The following ACSS2 variants were observed in gnomAD, a reference collection of about 807,000 sequenced individuals.
ACSS2 encodes the protein acyl-CoA synthetase short chain family member 2.
A neutral mutation model predicts 90.6 loss-of-function variants in ACSS2; 58 were observed. That is an observed-to-expected ratio of 0.64 (90% CI 0.52 to 0.80). ACSS2 has a LOEUF of 0.80. ACSS2 is among the 30% of genes least tolerant of loss of function. The pLI, the probability that ACSS2 is intolerant of heterozygous loss-of-function variation, is 0.00. For synonymous variants in ACSS2, 300 were observed against 330.9 expected (o/e 0.91, Z 1.01); for missense variants, 759 against 912.0 (o/e 0.83, Z 2.16).
chr20:34,877,897 C>CAGATAGATAGATAGAT (rs1440998444), intron 1 of ACSS2, among the ~76,000 whole-genome samples: 1 of 91,132 alleles, frequency 1.1e-5, no homozygotes, highest in Non-Finnish European at 2.2e-5. Flanking sequence ...GGGTAAAGGA[C>CAGATAGATAGATAGAT]AGATAGATAG....
chr20:34,904,355 AGG>A (rs2080746262), intron 2 of ACSS2, among the ~76,000 whole-genome samples: 1 of 152,040 alleles, frequency 6.6e-6, no homozygotes. Context: ...TTCCAAGTAG[AGG>A]GCAAAGGCTC....
rs370544852 is a variant in ACSS2, at chr20:34,919,527, C to T, written c.927C>T (p.Asp309=). ...ECEPEWCDAE[D]PLFILYTSGS... is the part of the protein sequence containing the mutation. ...AGCCCGAGTGGTGTGATGCCGAGGA[C>T]CCACTCTTCATCCTGTACACCAGTG... Residue 309 remains aspartate (D), a synonymous_variant, in exon 8 of 18, where the codon GAC becomes GAT. Coordinates refer to ENST00000360596, the MANE Select transcript of ACSS2 (RefSeq NM_018677.4). The T allele has an allele frequency of 4.7e-5, 75 of 1,611,704 alleles. No individual in the cohort carries two copies. Among genetic ancestry groups the T allele is most frequent in the Non-Finnish European group, 5.8e-5 (69 of 1,179,952 alleles).
intron 3 of ACSS2, 32 bp downstream of exon 3, chr20:34,913,219 G>A (rs757281988): frequency 6.2e-6 from 10 of 1,606,962 alleles, no homozygotes; most frequent in Admixed American, 5.0e-5. Flanking sequence ...AGGACTGGGG[G>A]TCTGGCCTTG....
At chr20:34,907,453 G>GCA (rs1295000205) in intron 2 of ACSS2, among the ~76,000 whole-genome samples, 1 of 152,224 alleles carries the variant, frequency 6.6e-6, no homozygotes, top group African/African-American at 2.4e-5. Flanking sequence ...GGCACACTGT[G>GCA]CACATAGGTG....
At chr20:34,893,587 A>T (rs1271252539) in intron 2 of ACSS2, 9 of 139,694 alleles carry the variant, frequency 6.4e-5, no homozygotes, top group African/African-American at 2.4e-4. Flanking sequence ...TGGTTTTGCC[A>T]TGTTGGCCAG....
At chr20:34,879,723 C>T (rs1464212766) in intron 1 of ACSS2, among the ~76,000 whole-genome samples, 1 of 152,124 alleles carries the variant, frequency 6.6e-6, no homozygotes, top group Non-Finnish European at 1.5e-5. Flanking sequence ...CACAGCGATA[C>T]CCTGTCTCAA....
intron 1 of ACSS2, among the ~76,000 whole-genome samples, chr20:34,879,565 G>A (rs532534044): frequency 6.6e-6 from 1 of 151,202 alleles, no homozygotes; most frequent in South Asian, 2.1e-4. Flanking sequence ...AAAACTAAGT[G>A]TGCATAAAAT....
intron 14 of ACSS2, among the ~76,000 whole-genome samples, chr20:34,924,650 A>C (rs995196769): frequency 6.6e-6 from 1 of 151,886 alleles, no homozygotes; most frequent in African/African-American, 2.4e-5. Flanking sequence ...AGGAGTTTGA[A>C]TTTTATTCAA....
Position 34,920,532 on chromosome 20 carries a change from C to G in ACSS2, c.973-7C>G. ...AGACCCTAACCTGTTCCCCATTCTT[C>G]CCACAGGGTGTGGTTCACACAGTTG... On this transcript the variant is annotated splice_polypyrimidine_tract_variant and splice_region_variant and intron_variant, in intron 8 of 17. Transcript: ENST00000360596. 1 of 1,613,098 alleles carries G rather than the reference C, an allele frequency of 6.2e-7. No homozygotes were observed. The highest frequency in any genetic ancestry group is 8.5e-7 in the Non-Finnish European group (1 of 1,179,824).
Position 34,927,007 on chromosome 20 carries a change from T to C in ACSS2, c.1978+56T>C. ...GGGCTGAGGCCTGGTGGTGGTGGGGTGTGCGTGGATGAAAGCCTTTGGCAG... is the reference window on the plus strand; with the variant it reads ...GGGCTGAGGCCTGGTGGTGGTGGGGCGTGCGTGGATGAAAGCCTTTGGCAG... On this transcript the variant is annotated intron_variant, in intron 17 of 17. Coordinates refer to ENST00000360596, the MANE Select transcript of ACSS2 (RefSeq NM_018677.4). This position sits in a 1 kb window ranked among gnomAD's most constrained non-coding sequence, Gnocchi z 4.2. 6.2e-7 allele frequency: 1 copy of C among 1,613,608 alleles called. No individual in the cohort carries two copies. The highest frequency in any genetic ancestry group is 8.5e-7 in the Non-Finnish European group (1 of 1,179,782).
At chr20:34,879,674 G>A (rs549172510) in intron 1 of ACSS2, among the ~76,000 whole-genome samples, 1 of 152,322 alleles carries the variant, frequency 6.6e-6, no homozygotes, top group East Asian at 1.9e-4. Flanking sequence ...GGAGATTGCA[G>A]TGAGCCAAGA....
upstream of ACSS2, chr20:34,876,516 G>C: frequency 9.2e-7 from 1 of 1,088,208 alleles, no homozygotes; most frequent in Non-Finnish European, 1.2e-6. Context: ...CCACCCGCCA[G>C]ACTAAGCCAC....
intron 1 of ACSS2, among the ~76,000 whole-genome samples, chr20:34,877,243 T>C (rs1043715449): frequency 1.3e-5 from 2 of 152,084 alleles, no homozygotes; most frequent in Non-Finnish European, 2.9e-5. Flanking sequence ...CTTTCTTTGC[T>C]TCCCTTTCAC....
intron 10 of ACSS2, 76 bp from the exon 11 acceptor site, chr20:34,921,254 G>A: frequency 6.2e-7 from 1 of 1,607,412 alleles, no homozygotes; most frequent in Non-Finnish European, 8.5e-7. Context: ...TAGAGGATGG[G>A]GCAAGAGAAA....
At chr20:34,900,334 T>C (rs1177349143) in intron 2 of ACSS2, among the ~76,000 whole-genome samples, 1 of 97,140 alleles carries the variant, frequency 1.0e-5, no homozygotes, top group East Asian at 2.3e-4. Flanking sequence ...CATGCCCGGC[T>C]AAATTTTTTT....
At chr20:34,896,933 G>T (rs942613078) in intron 2 of ACSS2, among the ~76,000 whole-genome samples, 1 of 151,962 alleles carries the variant, frequency 6.6e-6, no homozygotes, top group African/African-American at 2.4e-5. Context: ...GGGAGGCTGA[G>T]ACATAAGAAT....
At chr20:34,893,834 G>A (rs2080397542) in intron 2 of ACSS2, among the ~76,000 whole-genome samples, 2 of 151,836 alleles carry the variant, frequency 1.3e-5, no homozygotes, top group South Asian at 4.2e-4. Flanking sequence ...GTCTACTTAT[G>A]GTTTTACTAT....
chr20:34,905,473 C>T (rs6120759), intron 2 of ACSS2, among the ~76,000 whole-genome samples: 3,238 of 152,084 alleles, frequency 0.021, 137 homozygotes, highest in African/African-American at 0.074. Flanking sequence ...GGGGTTTCAC[C>T]GTCCTCTCGA....
intron 2 of ACSS2, among the ~76,000 whole-genome samples, chr20:34,911,613 C>T (rs932594756): frequency 6.6e-6 from 1 of 152,076 alleles, no homozygotes; most frequent in Non-Finnish European, 1.5e-5. Context: ...TGTGAGCCAC[C>T]GTGCCTGACC....
Sources: allele counts gnomAD v4.1 joint callset (sites outside exome capture counted in the v4.1 genomes callset), GRCh38; gene constraint gnomAD v4.1.1; non-coding constraint Gnocchi (gnomAD v3.1); transcripts MANE v1.5; gene names NCBI Gene and HGNC (gene_info 2026-07-23, HGNC 2026-07-21).